STAU2: variants seen among roughly 807,000 people sequenced by gnomAD.
STAU2 encodes staufen double-stranded RNA binding protein 2, also known as double-stranded RNA-binding protein Staufen homolog 2.
In STAU2, 20 loss-of-function variants were observed where a neutral mutation model predicts 65.9. The ratio of observed to expected loss-of-function variants is 0.30; its 90% CI spans 0.21 to 0.44. STAU2 has a LOEUF of 0.44. Among genes scored for constraint, STAU2 ranks in the 20% least tolerant of loss-of-function variants. The pLI is 1.00. For missense variants in STAU2, 558 were observed against 683.9 expected (o/e 0.82, Z 2.05); for synonymous variants, 232 against 233.9 (o/e 0.99, Z 0.07).
intron 13 of STAU2, among the ~76,000 whole-genome samples, chr8:73,428,294 T>A (rs780402054): frequency 6.6e-5 from 10 of 152,108 alleles, no homozygotes; most frequent in Non-Finnish European, 1.5e-4. Context: ...GCAAATGACA[T>A]AATTTCTTCC....
intron 12 of STAU2, among the ~76,000 whole-genome samples, chr8:73,574,585 G>T (rs1415207736): frequency 6.6e-6 from 1 of 152,164 alleles, no homozygotes; most frequent in Non-Finnish European, 1.5e-5. Flanking sequence ...CATAAAAAAA[G>T]GATGACTTCA....
chr8:73,704,144 A>C (rs1027166420), intron 4 of STAU2, among the ~76,000 whole-genome samples: 1 of 152,228 alleles, frequency 6.6e-6, no homozygotes, highest in Non-Finnish European at 1.5e-5. Context: ...GCTCTAGCCC[A>C]ATACTCATCA....
chr8:73,608,611 A>AT (rs1166446526), intron 9 of STAU2, among the ~76,000 whole-genome samples: 7 of 36,320 alleles, frequency 1.9e-4, no homozygotes, highest in Non-Finnish European at 4.5e-4. Flanking sequence ...ACTCCGTCCC[A>AT]TAAAAAAAAA....
At chr8:73,534,912 A>G (rs1806081207) in intron 13 of STAU2, among the ~76,000 whole-genome samples, 1 of 152,242 alleles carries the variant, frequency 6.6e-6, no homozygotes, top group Non-Finnish European at 1.5e-5. Flanking sequence ...ATGAAATTAC[A>G]TTACACAGAC....
chr8:73,672,598 A>G (rs751234355), intron 6 of STAU2, among the ~76,000 whole-genome samples: 10 of 152,212 alleles, frequency 6.6e-5, no homozygotes, highest in Admixed American at 1.3e-4. Flanking sequence ...AACTTGGTTA[A>G]ATATATTTAA....
Position 73,603,851 on chromosome 8 carries a change from A to G in STAU2, c.904T>C (p.Tyr302His), listed in dbSNP as rs1178476479. Residue 302 changes from tyrosine to histidine, a missense_variant, in exon 10 of 15, where the codon TAT becomes CAT. By Grantham distance (83) the Tyr-to-His change is moderately conservative. Coordinates refer to ENST00000524300, the MANE Select transcript of STAU2 (RefSeq NM_001164380.2). ...CTAATAGGGTTCATCCCTTGGCCAT[A>G]TTCTGGTCCGGCCTAAAAATTAATT... Reference protein sequence around the residue: ...PKTIVKAGPEYGQGMNPISRL... With the variant: ...PKTIVKAGPEHGQGMNPISRL... 4.4e-6 allele frequency: 7 copies of G among 1,597,328 alleles called. No individual in the cohort carries two copies. The highest frequency in any genetic ancestry group is 6.0e-6 in the Non-Finnish European group (7 of 1,175,662).
chr8:73,422,995 A>G (rs181528620), intron 13 of STAU2, among the ~76,000 whole-genome samples: 5 of 152,336 alleles, frequency 3.3e-5, no homozygotes, highest in Non-Finnish European at 7.4e-5. Context: ...AAATACTTCC[A>G]TGGTGACATT....
chr8:73,680,172 G>A (rs1208782612), intron 5 of STAU2, among the ~76,000 whole-genome samples: 2 of 139,616 alleles, frequency 1.4e-5, no homozygotes, highest in South Asian at 2.7e-4. Flanking sequence ...GGGGGCCGGC[G>A]GGAATAGGGG....
At chr8:73,664,129 G>A (rs1251182073) in intron 6 of STAU2, among the ~76,000 whole-genome samples, 1 of 152,084 alleles carries the variant, frequency 6.6e-6, no homozygotes, top group Admixed American at 6.5e-5. Context: ...ACAGCTCACT[G>A]AAGCCTTGAC....
intron 11 of STAU2, among the ~76,000 whole-genome samples, chr8:73,588,194 G>A (rs73328776): frequency 0.015 from 2,343 of 152,222 alleles, 50 homozygotes; most frequent in African/African-American, 0.053. Context: ...GAGATTACAA[G>A]GTAAACAAGC....
At chr8:73,647,581 CT>C (rs1312989276) in intron 6 of STAU2, among the ~76,000 whole-genome samples, 501 of 138,982 alleles carry the variant, frequency 3.6e-3, no homozygotes, top group Middle Eastern at 7.2e-3. Flanking sequence ...AATTCTGCAT[CT>C]TTTTTTTTTT....
intron 6 of STAU2, among the ~76,000 whole-genome samples, chr8:73,661,812 A>G (rs1474666231): frequency 6.6e-6 from 1 of 152,190 alleles, no homozygotes; most frequent in Non-Finnish European, 1.5e-5. Context: ...TCATGGTTAC[A>G]TTACAGTGTA....
At chr8:73,455,822 G>A (rs941058497) in intron 13 of STAU2, among the ~76,000 whole-genome samples, 7 of 152,000 alleles carry the variant, frequency 4.6e-5, no homozygotes, top group African/African-American at 9.7e-5. Flanking sequence ...ACACCACCTG[G>A]CCGTGGTCAA....
At chr8:73,499,423 C>T (rs187323037) in intron 13 of STAU2, among the ~76,000 whole-genome samples, 128 of 151,820 alleles carry the variant, frequency 8.4e-4, no homozygotes, top group African/African-American at 3.0e-3. Flanking sequence ...ATTTAAGGGG[C>T]CAGCAGAAGT....
intron 13 of STAU2, among the ~76,000 whole-genome samples, chr8:73,543,204 C>G (rs899291863): frequency 2.0e-5 from 3 of 152,126 alleles, no homozygotes; most frequent in Non-Finnish European, 1.5e-5. Flanking sequence ...TATATGAAAT[C>G]AGTGAAAAGA....
At chr8:73,618,977 A>T (rs568876001) in intron 6 of STAU2, among the ~76,000 whole-genome samples, 1 of 152,254 alleles carries the variant, frequency 6.6e-6, no homozygotes, top group East Asian at 1.9e-4. Flanking sequence ...GGTGGATTTC[A>T]ACAGCTCTGT....
At chr8:73,713,837 T>C (rs1427357588) in intron 3 of STAU2, among the ~76,000 whole-genome samples, 1 of 152,208 alleles carries the variant, frequency 6.6e-6, no homozygotes, top group Non-Finnish European at 1.5e-5. Flanking sequence ...ACTACCTCGC[T>C]TCGCAAGGCA....
At chr8:73,536,264 G>A (rs1472405998) in intron 13 of STAU2, among the ~76,000 whole-genome samples, 1 of 152,140 alleles carries the variant, frequency 6.6e-6, no homozygotes, top group East Asian at 1.9e-4. Flanking sequence ...GAATTCCTAA[G>A]TTTTCTTTTT....
chr8:73,506,067 T>C (rs546080389), intron 13 of STAU2, among the ~76,000 whole-genome samples: 2 of 152,314 alleles, frequency 1.3e-5, no homozygotes, highest in East Asian at 3.9e-4. Flanking sequence ...ACCCTTGCTG[T>C]ATAGCCTGCA....
Sources: allele counts gnomAD v4.1 joint callset (sites outside exome capture counted in the v4.1 genomes callset), GRCh38; gene constraint gnomAD v4.1.1; transcripts MANE v1.5; gene names NCBI Gene and HGNC (gene_info 2026-07-23, HGNC 2026-07-21).